The following PROCR variants were observed in gnomAD, a reference collection of about 807,000 sequenced individuals.
The protein encoded by PROCR is endothelial protein C receptor.
A neutral mutation model predicts 24.2 loss-of-function variants in PROCR; 22 were observed. That is an observed-to-expected ratio of 0.91 (90% CI 0.65 to 1.30). The LOEUF is 1.30. Among genes scored for constraint, PROCR ranks in the 50% most tolerant of loss-of-function variants. The pLI is 0.00. For missense variants in PROCR, 288 were observed against 307.7 expected, an observed-to-expected ratio of 0.94 and a Z score of 0.48; for synonymous variants, 137 against 139.2, an observed-to-expected ratio of 0.98 and a Z score of 0.11.
At position 35,174,899 on chromosome 20, in the gene PROCR, C is replaced by G. The variant is rs1222262364; in HGVS notation, c.268C>G (p.Leu90Val). ...ARTQSGLQSY[L>V]LQFHGLVRLV... ...CACGCAGAGTGGCCTGCAGTCCTAC[C>G]TGCTCCAGTTCCACGGCCTCGTGCG... The change falls in exon 2 of 4, where the codon CTG becomes GTG. Residue 90 changes from leucine (L) to valine (V), a missense_variant. Transcript: ENST00000216968. The G allele has an allele frequency of 6.2e-7, 1 of 1,609,748 alleles. No homozygotes were observed. Among genetic ancestry groups the G allele is most frequent in the Admixed American group, 1.7e-5 (1 of 59,138 alleles).
downstream of PROCR, among the ~76,000 whole-genome samples, chr20:35,180,834 G>A (rs749069473): frequency 2.0e-5 from 3 of 151,140 alleles, no homozygotes; most frequent in African/African-American, 4.9e-5. Flanking sequence ...TCATTATTCC[G>A]TTTTTTGTTG....
exon 2 of PROCR, chr20:35,216,006 T>A: frequency 2.9e-6 from 1 of 341,314 alleles, no homozygotes; most frequent in Non-Finnish European, 4.1e-6. Context: ...GAGACCAGCA[T>A]GACCAACATG....
intron 1 of PROCR, among the ~76,000 whole-genome samples, chr20:35,207,688 C>T (rs889992379): frequency 6.6e-6 from 1 of 152,000 alleles, no homozygotes; most frequent in Non-Finnish European, 1.5e-5. Context: ...CACCACCACA[C>T]CTGGCTAATT....
chr20:35,204,960 G>T (rs2060332442), intron 1 of PROCR, among the ~76,000 whole-genome samples: 1 of 151,864 alleles, frequency 6.6e-6, no homozygotes, highest in African/African-American at 2.4e-5. Context: ...TTTATCCCAG[G>T]TAATTTAATG....
chr20:35,212,292 T>G (rs895547489), intron 1 of PROCR, among the ~76,000 whole-genome samples: 2 of 152,172 alleles, frequency 1.3e-5, no homozygotes, highest in African/African-American at 4.8e-5. Flanking sequence ...CAAGTGACAC[T>G]CAAGGGGCAA....
chr20:35,174,405 T>C (rs1388673591), intron 1 of PROCR: 4 of 469,688 alleles, frequency 8.5e-6, no homozygotes, highest in South Asian at 2.1e-5. Flanking sequence ...ATTTGTTCCG[T>C]TGGTTAACAG....
intron 1 of PROCR, chr20:35,202,159 G>A (rs2060320809): frequency 6.6e-6 from 1 of 152,046 alleles, no homozygotes; most frequent in Non-Finnish European, 1.5e-5. Flanking sequence ...TCATATTCTG[G>A]GTCATAAAAT....
intron 1 of PROCR, among the ~76,000 whole-genome samples, chr20:35,207,883 A>C (rs964167452): frequency 1.3e-5 from 2 of 151,238 alleles, no homozygotes; most frequent in Non-Finnish European, 2.9e-5. Context: ...CCTTCCACAA[A>C]ACCTAAACTT....
At chr20:35,206,026 T>A (rs1008762555) in intron 1 of PROCR, among the ~76,000 whole-genome samples, 11 of 150,712 alleles carry the variant, frequency 7.3e-5, no homozygotes, top group African/African-American at 1.7e-4. Context: ...TTAACATTTT[T>A]AAAAAATTTT....
rs1157849069 is a variant in PROCR, at chr20:35,176,166, A to G, written c.323-2A>G. ...CCCCTGACCCTGACTGTCTATCCACAGTTCCTCTGACCATCCGCTGCTTCC... is the reference window on the plus strand; with the variant it reads ...CCCCTGACCCTGACTGTCTATCCACGGTTCCTCTGACCATCCGCTGCTTCC... On this transcript the variant is annotated splice_acceptor_variant, in intron 2 of 3. Transcript: ENST00000216968. LOFTEE classifies it high-confidence loss of function. 3 of 1,613,484 alleles carry G rather than the reference A, an allele frequency of 1.9e-6. No homozygotes were observed. Among genetic ancestry groups the G allele is most frequent in the Non-Finnish European group, 2.5e-6 (3 of 1,179,690 alleles).
At chr20:35,199,175 G>A (rs935627200) in intron 1 of PROCR, among the ~76,000 whole-genome samples, 4 of 152,212 alleles carry the variant, frequency 2.6e-5, no homozygotes, top group Non-Finnish European at 1.5e-5. Flanking sequence ...TAAGAATGAT[G>A]TGAATTCTCT....
At chr20:35,174,614 G>A (rs1321214772) in intron 1 of PROCR, 88 bp from the exon 2 acceptor site, 24 of 1,549,748 alleles carry the variant, frequency 1.5e-5, no homozygotes, top group South Asian at 3.4e-5. Context: ...GAAGGCGGGC[G>A]GCCAGCCTCG....
In PROCR at chr20:35,177,269, C is replaced by G; in HGVS notation, c.*456C>G. The G allele has an allele frequency of 9.9e-7, 1 of 1,005,744 alleles. No homozygotes were observed. The highest frequency in any genetic ancestry group is 1.2e-6 in the Non-Finnish European group (1 of 840,936). 62.3% of individuals were successfully genotyped at this position (1,005,744 alleles called of 1,614,324 possible). ...TATAATAGGGTAGAAAGAAGTAACA[C>G]GAAGAAGTGGTGGAAATGTAAAATC... On this transcript the variant is annotated 3_prime_UTR_variant, in exon 4 of 4. Coordinates refer to ENST00000216968, the MANE Select transcript of PROCR (RefSeq NM_006404.5).
At chr20:35,178,414 TAAAAAAAAAA>T (rs374008630), downstream of PROCR, among the ~76,000 whole-genome samples, 1 of 49,824 alleles carries the variant, frequency 2.0e-5, no homozygotes, top group African/African-American at 8.0e-5. Context: ...TTTTTAATTC[TAAAAAAAAAA>T]AAAAAAAAAA....
chr20:35,213,472 A>G (rs2060369690), intron 1 of PROCR, among the ~76,000 whole-genome samples: 1 of 152,044 alleles, frequency 6.6e-6, no homozygotes, highest in Non-Finnish European at 1.5e-5. Context: ...TAAATATTTT[A>G]CCTAGTTTAT....
downstream of PROCR, among the ~76,000 whole-genome samples, chr20:35,178,346 G>T (rs1409973613): frequency 1.0e-4 from 14 of 135,784 alleles, no homozygotes; most frequent in African/African-American, 3.7e-4. Context: ...AGAGTTTGCA[G>T]TGAGCTGAGA....
chr20:35,178,616 C>T (rs1441227738), downstream of PROCR, among the ~76,000 whole-genome samples: 3 of 111,730 alleles, frequency 2.7e-5, no homozygotes, highest in South Asian at 3.5e-4. Flanking sequence ...CCCGGGTTCA[C>T]GCCATTCTCC....
Position 35,173,423 on chromosome 20 carries a change from CTTTTTTTTTTT to C in PROCR, c.70+1213_70+1223del, listed in dbSNP as rs58785250. 5.7e-5 allele frequency among the ~76,000 whole-genome samples: 5 copies of C among 88,150 alleles called. No homozygotes were observed. The Admixed American group carries it at 5.9e-4, about 10-fold the overall frequency. 57.8% of individuals were successfully genotyped at this position (88,150 alleles called of 152,430 possible). ...TTTTCTTTGCTTTTCTTTCTTTTTTCTTTTTTTTTTTTTTTTTTTTTTTTGAGATGGAGTCT... is the reference window on the plus strand; with the variant it reads ...TTTTCTTTGCTTTTCTTTCTTTTTTCTTTTTTTTTTTTTGAGATGGAGTCT... On this transcript the variant is annotated intron_variant, in intron 1 of 3. Coordinates refer to ENST00000216968, the MANE Select transcript of PROCR (RefSeq NM_006404.5).
intron 1 of PROCR, among the ~76,000 whole-genome samples, chr20:35,205,059 G>A (rs1030291336): frequency 9.2e-5 from 14 of 151,986 alleles, no homozygotes; most frequent in African/African-American, 3.1e-4. Context: ...GATCACCTGA[G>A]GTCAAGAGTT....
Sources: allele counts gnomAD v4.1 joint callset (sites outside exome capture counted in the v4.1 genomes callset), GRCh38; gene constraint gnomAD v4.1.1; transcripts MANE v1.5; gene names NCBI Gene and HGNC (gene_info 2026-07-23, HGNC 2026-07-21).